Variants in CNIH3 observed in about 807,000 individuals in gnomAD.
The protein encoded by CNIH3 is cornichon family AMPA receptor auxiliary protein 3.
Under a neutral mutation model 24.1 loss-of-function variants are expected in CNIH3, and 14 were observed. The ratio of observed to expected loss-of-function variants is 0.58; its 90% confidence interval spans 0.38 to 0.91. CNIH3 has a LOEUF of 0.91. Among genes scored for constraint, CNIH3 ranks in the 40% least tolerant of loss-of-function variants. The probability of loss-of-function intolerance (pLI) is 0.00; values close to 1 mark genes in which losing one functional copy is unlikely to be tolerated. For synonymous variants in CNIH3, 68 were observed against 73.8 expected (o/e 0.92, Z 0.40); for missense variants, 178 against 196.8 (o/e 0.90, Z 0.57).
At chr1:224,592,764 A>G (rs1681813735), downstream of CNIH3, among the ~76,000 whole-genome samples, 1 of 152,182 alleles carries the variant, frequency 6.6e-6, no homozygotes, top group South Asian at 2.1e-4. Flanking sequence ...GGCATGCACC[A>G]GGAAGCTCCC....
At position 224,731,975 on chromosome 1, in the gene CNIH3, G is replaced by C. The variant is rs148588409; in HGVS notation, c.311+1401G>C. On this transcript the variant is annotated intron_variant, in intron 4 of 5. Transcript: ENST00000272133. ...GGGCCTGAAATGATTTGATGGGGAA[G>C]GTGGAATTAATTTATTCTCTAGGTA... Among the ~76,000 whole-genome samples the C allele has an allele frequency of 3.7e-3, 556 of 152,270 alleles. 3 individuals carry two copies. Among genetic ancestry groups the C allele is most frequent in the South Asian group, 0.028 (134 of 4,820 alleles).
chr1:224,450,757 A>C (rs1486379471), intron 1 of CNIH3, among the ~76,000 whole-genome samples: 12 of 152,228 alleles, frequency 7.9e-5, no homozygotes, highest in Non-Finnish European at 1.6e-4. Context: ...AAAAGTACTT[A>C]GGAATGTAGG....
At chr1:224,502,526 C>T (rs752857822) in intron 1 of CNIH3, among the ~76,000 whole-genome samples, 3 of 152,320 alleles carry the variant, frequency 2.0e-5, no homozygotes, top group African/African-American at 7.2e-5. Context: ...GCAGAACGAA[C>T]AGCCTTCCTC....
intron 1 of CNIH3, among the ~76,000 whole-genome samples, chr1:224,508,544 A>C (rs1452197462): frequency 6.6e-6 from 1 of 152,194 alleles, no homozygotes; most frequent in Non-Finnish European, 1.5e-5. Context: ...TATTGCTGTA[A>C]CTTTCTGTTA....
At chr1:224,660,801 C>T (rs1463904554) in intron 1 of CNIH3, among the ~76,000 whole-genome samples, 5 of 152,172 alleles carry the variant, frequency 3.3e-5, no homozygotes, top group African/African-American at 4.8e-5. Flanking sequence ...GCAATATTAA[C>T]GTCATAACAG....
chr1:224,534,448 T>G (rs1290138380), intron 2 of CNIH3, among the ~76,000 whole-genome samples: 2 of 152,198 alleles, frequency 1.3e-5, no homozygotes, highest in African/African-American at 2.4e-5. Context: ...AATTTGGGAT[T>G]TAAGACTTTT....
At chr1:224,492,888 A>T (rs781627421) in intron 1 of CNIH3, among the ~76,000 whole-genome samples, 4 of 152,206 alleles carry the variant, frequency 2.6e-5, no homozygotes, top group Non-Finnish European at 5.9e-5. Context: ...TTTGTAACAG[A>T]GGCTTTTAGG....
chr1:224,638,642 G>A (rs1158234041), intron 1 of CNIH3, among the ~76,000 whole-genome samples: 1 of 152,168 alleles, frequency 6.6e-6, no homozygotes, highest in Non-Finnish European at 1.5e-5. Flanking sequence ...TCTCAGGAAG[G>A]CTTACGTGGG....
chr1:224,618,192 A>C (rs768896449), intron 1 of CNIH3, among the ~76,000 whole-genome samples: 1 of 152,084 alleles, frequency 6.6e-6, no homozygotes, highest in Non-Finnish European at 1.5e-5. Context: ...AGTGCATGCA[A>C]CTCTCAAGGC....
intron 1 of CNIH3, chr1:224,434,866 T>C (rs1282366222): frequency 1.0e-6 from 1 of 984,880 alleles, no homozygotes; most frequent in South Asian, 4.7e-5. Flanking sequence ...GTGGCAGGTA[T>C]GGAACCTATA....
intron 1 of CNIH3, among the ~76,000 whole-genome samples, chr1:224,657,409 T>TAGAGAG (rs142879463): frequency 4.7e-4 from 69 of 146,898 alleles, no homozygotes; most frequent in African/African-American, 1.6e-3. Flanking sequence ...AGAAATAGGG[T>TAGAGAG]AGAGAGAGAG....
intron 3 of CNIH3, among the ~76,000 whole-genome samples, chr1:224,711,468 G>A (rs760022995): frequency 3.4e-4 from 52 of 152,036 alleles, no homozygotes; most frequent in Middle Eastern, 3.4e-3. Flanking sequence ...TTATAGGCAT[G>A]AGCCACCGTG....
At chr1:224,675,947 T>C (rs1686117667) in intron 1 of CNIH3, among the ~76,000 whole-genome samples, 1 of 152,082 alleles carries the variant, frequency 6.6e-6, no homozygotes, top group South Asian at 2.1e-4. Context: ...CAGTTTCTTA[T>C]AAATTAAATC....
chr1:224,578,760 A>G (rs1681141965), intron 4 of CNIH3, among the ~76,000 whole-genome samples: 1 of 152,166 alleles, frequency 6.6e-6, no homozygotes, highest in African/African-American at 2.4e-5. Context: ...TGTTGCTGCT[A>G]ATTCAATGTC....
intron 3 of CNIH3, among the ~76,000 whole-genome samples, chr1:224,552,440 T>C (rs1053746725): frequency 6.6e-6 from 1 of 151,446 alleles, no homozygotes; most frequent in African/African-American, 2.4e-5. Context: ...TCCACTGTGG[T>C]ATTAGGAGTA....
chr1:224,689,326 GTTA>G (rs751945373), intron 3 of CNIH3, among the ~76,000 whole-genome samples: 13 of 152,298 alleles, frequency 8.5e-5, no homozygotes, highest in Admixed American at 4.6e-4. Flanking sequence ...CATATTAAAT[GTTA>G]TTATTATCAT....
At chr1:224,713,478 T>C (rs1193380723) in intron 3 of CNIH3, among the ~76,000 whole-genome samples, 1 of 152,140 alleles carries the variant, frequency 6.6e-6, no homozygotes. Context: ...CCTGTTTGAG[T>C]CACTAAAAGG....
chr1:224,527,898 A>C (rs1325324987), intron 2 of CNIH3, among the ~76,000 whole-genome samples: 1 of 152,236 alleles, frequency 6.6e-6, no homozygotes, highest in African/African-American at 2.4e-5. Context: ...ATACAATAAT[A>C]ATACTTCTTT....
At chr1:224,509,050 T>C (rs1311527783) in intron 1 of CNIH3, among the ~76,000 whole-genome samples, 1 of 152,158 alleles carries the variant, frequency 6.6e-6, no homozygotes, top group East Asian at 1.9e-4. Flanking sequence ...TGGCTGGGCA[T>C]GGTGGCTCAC....
Sources: gnomAD v4.1 joint callset for allele counts (sites outside exome capture counted in the v4.1 genomes callset) on GRCh38, gnomAD v4.1.1 for gene constraint, MANE v1.5 for transcripts, NCBI Gene and HGNC (gene_info 2026-07-23, HGNC 2026-07-21) for gene names.